The following TMEM200A variants were observed in gnomAD, a reference collection of about 807,000 sequenced individuals.
The protein encoded by TMEM200A is two transmembrane C.
In TMEM200A, 12 loss-of-function variants were observed where a neutral mutation model predicts 24.3. The observed-to-expected ratio is 0.49, with a 90% CI of 0.32 to 0.80. The LOEUF (loss-of-function observed/expected upper bound fraction) is 0.80, where lower values mean the gene tolerates loss of function less well. Ranked by LOEUF, TMEM200A falls within the 30% of genes least tolerant of loss-of-function variation. TMEM200A has a pLI of 0.04. For synonymous variants in TMEM200A, 224 were observed against 224.4 expected (o/e 1.00, Z 0.02); for missense variants, 545 against 614.4 (o/e 0.89, Z 1.19).
intron 2 of TMEM200A, among the ~76,000 whole-genome samples, chr6:130,405,559 TCTAA>T (rs1329026729): frequency 2.6e-5 from 4 of 152,314 alleles, no homozygotes; most frequent in Admixed American, 2.6e-4. Context: ...GGAGAATCAT[TCTAA>T]CTGAGAATGA....
intron 2 of TMEM200A, among the ~76,000 whole-genome samples, chr6:130,431,504 TG>T (rs1421740965): frequency 6.6e-6 from 1 of 152,114 alleles, no homozygotes; most frequent in Non-Finnish European, 1.5e-5. Context: ...AGTGTGACAG[TG>T]ATTGTGTAAG....
rs529802839 is a variant in TMEM200A, at chr6:130,430,815, T to C, written c.-16-9592T>C. Among the ~76,000 whole-genome samples, 8 of 152,352 alleles carry C rather than the reference T, an allele frequency of 5.3e-5. No homozygotes were observed. The South Asian group carries it at 1.7e-3, about 32-fold the overall frequency. On this transcript the variant is annotated intron_variant, in intron 2 of 2. Coordinates refer to ENST00000296978, the MANE Select transcript of TMEM200A (RefSeq NM_001258277.2). ...TACTTATGAAAAATATGTAAAATTC[T>C]CTAGCAGAAATGATGTAATTTGAAC...
chr6:130,403,711 G>A (rs1779141452), intron 2 of TMEM200A, among the ~76,000 whole-genome samples: 2 of 151,832 alleles, frequency 1.3e-5, no homozygotes, highest in South Asian at 4.2e-4. Flanking sequence ...ACAAGTGCAG[G>A]CTTATTACCT....
chr6:130,384,947 T>G (rs1422023580), intron 1 of TMEM200A, among the ~76,000 whole-genome samples: 1 of 152,240 alleles, frequency 6.6e-6, no homozygotes, highest in East Asian at 1.9e-4. Flanking sequence ...ATTATCTTTT[T>G]GCAAATGGAT....
In TMEM200A at chr6:130,387,133, A is replaced by C. The variant is rs146523424; in HGVS notation, c.-17+1897A>C. Among the ~76,000 whole-genome samples, 433 of 152,368 alleles carry C rather than the reference A, an allele frequency of 2.8e-3. 4 individuals are homozygous for C. The highest frequency in any genetic ancestry group is 9.9e-3 in the African/African-American group (411 of 41,578). On this transcript the variant is annotated intron_variant, in intron 2 of 2. Coordinates refer to ENST00000296978, the MANE Select transcript of TMEM200A (RefSeq NM_001258277.2). ...GTTTCTTATATGAAGGTGGTAGTGC[A>C]AGACACTGAGATGCCTAAGAGGAAA...
At position 130,371,379 on chromosome 6, in the gene TMEM200A, T is replaced by A. The variant is rs532760821; in HGVS notation, c.-81+4855T>A. Among the ~76,000 whole-genome samples, 5 of 152,252 alleles carry A rather than the reference T, an allele frequency of 3.3e-5. No homozygotes were observed. In the East Asian group the frequency reaches 9.7e-4, roughly 29 times the overall value. On this transcript the variant is annotated intron_variant, in intron 1 of 2. Coordinates refer to ENST00000296978, the MANE Select transcript of TMEM200A (RefSeq NM_001258277.2). Reference sequence around the variant, plus strand: ...AGGGAGGTAAATAACTTACTGAAGGTTATGAGGCCATTAAGCAGTACAGCT... The same window carrying A: ...AGGGAGGTAAATAACTTACTGAAGGATATGAGGCCATTAAGCAGTACAGCT...
chr6:130,409,158 C>G (rs907761782), intron 2 of TMEM200A, among the ~76,000 whole-genome samples: 3 of 152,142 alleles, frequency 2.0e-5, no homozygotes, highest in African/African-American at 7.2e-5. Context: ...TTTTCTCTAC[C>G]TTTTCCTGCA....
At chr6:130,433,131 A>G (rs188654576) in intron 2 of TMEM200A, among the ~76,000 whole-genome samples, 2 of 149,592 alleles carry the variant, frequency 1.3e-5, no homozygotes, top group African/African-American at 5.0e-5. Flanking sequence ...ATGCTAAAAG[A>G]TGATCTTTTT....
chr6:130,392,236 A>T (rs745578824), intron 2 of TMEM200A, among the ~76,000 whole-genome samples: 2 of 152,232 alleles, frequency 1.3e-5, no homozygotes, highest in Non-Finnish European at 2.9e-5. Flanking sequence ...TAATGAGGTA[A>T]TGCATATAAA....
intron 2 of TMEM200A, among the ~76,000 whole-genome samples, chr6:130,421,612 A>G (rs760114617): frequency 1.3e-5 from 2 of 151,738 alleles, no homozygotes; most frequent in Non-Finnish European, 2.9e-5. Flanking sequence ...TTTTAACTCT[A>G]TGTAGTCCCT....
At chr6:130,417,283 T>G (rs894494661) in intron 2 of TMEM200A, among the ~76,000 whole-genome samples, 1 of 152,208 alleles carries the variant, frequency 6.6e-6, no homozygotes, top group East Asian at 1.9e-4. Flanking sequence ...AAAGACTGAT[T>G]TGAATGTCAC....
intron 1 of TMEM200A, among the ~76,000 whole-genome samples, chr6:130,379,922 C>T (rs1778555797): frequency 6.6e-6 from 1 of 152,088 alleles, no homozygotes; most frequent in Non-Finnish European, 1.5e-5. Flanking sequence ...AGAGAGCATA[C>T]CGAGAAGTAG....
chr6:130,367,683 A>G (rs1168335790), intron 1 of TMEM200A, among the ~76,000 whole-genome samples: 1 of 152,334 alleles, frequency 6.6e-6, no homozygotes, highest in Non-Finnish European at 1.5e-5. Flanking sequence ...TTCATTCTTT[A>G]TAAACACCTC....
chr6:130,383,170 G>T (rs1778640848), intron 1 of TMEM200A: 4 of 549,420 alleles, frequency 7.3e-6, no homozygotes, highest in Non-Finnish European at 6.9e-6. Flanking sequence ...GGGCAAGACA[G>T]TTCCACTCAA....
At chr6:130,415,603 G>A (rs528525329) in intron 2 of TMEM200A, among the ~76,000 whole-genome samples, 4 of 152,124 alleles carry the variant, frequency 2.6e-5, no homozygotes, top group South Asian at 2.1e-4. Context: ...TACTTTCGTC[G>A]TTTACTAAAT....
At position 130,368,237 on chromosome 6, in the gene TMEM200A, G is replaced by A. The variant is rs141882204; in HGVS notation, c.-81+1713G>A. Among the ~76,000 whole-genome samples, 580 of 152,258 alleles carry A rather than the reference G, an allele frequency of 3.8e-3. 18 individuals are homozygous for A. Among genetic ancestry groups the A allele is most frequent in the Admixed American group, 0.035 (534 of 15,294 alleles). On this transcript the variant is annotated intron_variant, in intron 1 of 2. Transcript: ENST00000296978. ...AAAAGGATAACTACTGACATATAGAGGGAACGGATCTGAACTGATTGGTTA... is the reference window on the plus strand; with the variant it reads ...AAAAGGATAACTACTGACATATAGAAGGAACGGATCTGAACTGATTGGTTA...
intron 2 of TMEM200A, among the ~76,000 whole-genome samples, chr6:130,421,510 T>TTGTGTGTG (rs60156754): frequency 0.14 from 20,866 of 148,882 alleles, 1,512 homozygotes; most frequent in African/African-American, 0.19. Context: ...ACAGTTACCT[T>TTGTGTGTG]TGTGTGTGTG....
At chr6:130,430,731 A>G (rs918973467) in intron 2 of TMEM200A, among the ~76,000 whole-genome samples, 1 of 152,184 alleles carries the variant, frequency 6.6e-6, no homozygotes, top group African/African-American at 2.4e-5. Context: ...GCCATCCCCA[A>G]GGAAGTCTCC....
intron 2 of TMEM200A, among the ~76,000 whole-genome samples, chr6:130,424,313 T>G (rs573281065): frequency 3.2e-4 from 49 of 152,234 alleles, no homozygotes; most frequent in African/African-American, 1.2e-3. Context: ...ATGGAGCAAT[T>G]TTTCCTCCTG....
Sources: gnomAD v4.1 joint callset for allele counts (sites outside exome capture counted in the v4.1 genomes callset) on GRCh38, gnomAD v4.1.1 for gene constraint, MANE v1.5 for transcripts, NCBI Gene and HGNC (gene_info 2026-07-23, HGNC 2026-07-21) for gene names.